KMO: variants seen among roughly 807,000 people sequenced by gnomAD.
KMO encodes the protein kynurenine 3-monooxygenase, also known as kynurenine 3-hydroxylase.
In KMO, 24 loss-of-function variants were observed where a neutral mutation model predicts 57.8. The ratio of observed to expected loss-of-function variants is 0.42; its 90% CI spans 0.30 to 0.58. KMO has a LOEUF of 0.58. Ranked by LOEUF, KMO falls within the 20% of genes least tolerant of loss-of-function variation. The pLI is 0.22. For missense variants in KMO, 483 were observed against 588.2 expected, an observed-to-expected ratio of 0.82 and a Z score of 1.85; for synonymous variants, 210 against 193.6, an observed-to-expected ratio of 1.08 and a Z score of -0.70.
intron 14 of KMO, among the ~76,000 whole-genome samples, chr1:241,591,215 GA>G (rs1390428685): frequency 6.6e-6 from 1 of 152,142 alleles, no homozygotes; most frequent in Non-Finnish European, 1.5e-5. Context: ...TAAGTGCGGG[GA>G]TAGAAATAGG....
intron 10 of KMO, among the ~76,000 whole-genome samples, chr1:241,577,245 A>T (rs1038499326): frequency 1.3e-5 from 2 of 152,062 alleles, no homozygotes; most frequent in East Asian, 1.9e-4. Flanking sequence ...CAAAGATTTC[A>T]TCTTGGTATG....
intron 10 of KMO, 101 bp from the exon 11 acceptor site, chr1:241,586,578 T>G (rs1166000429): frequency 1.2e-6 from 1 of 802,732 alleles, no homozygotes. Context: ...AAACAGTGTA[T>G]GAATTATCTT....
At chr1:241,571,566 T>C (rs983541306) in intron 10 of KMO, among the ~76,000 whole-genome samples, 1 of 152,176 alleles carries the variant, frequency 6.6e-6, no homozygotes, top group African/African-American at 2.4e-5. Context: ...TCTTTCATTC[T>C]GTTGATATGA....
At chr1:241,541,767 T>C (rs556651284) in intron 1 of KMO, among the ~76,000 whole-genome samples, 8 of 152,336 alleles carry the variant, frequency 5.3e-5, no homozygotes, top group South Asian at 4.1e-4. Context: ...GCATTGTAAG[T>C]AGAGTTAACA....
intron 8 of KMO, among the ~76,000 whole-genome samples, 182 bp downstream of exon 8, chr1:241,565,240 C>A (rs1194687839): frequency 6.6e-6 from 1 of 152,044 alleles, no homozygotes; most frequent in Non-Finnish European, 1.5e-5. Context: ...CAATTATTTA[C>A]TTTGGAAAGG....
chr1:241,534,359 A>T (rs6429277), intron 1 of KMO, among the ~76,000 whole-genome samples: 12,392 of 152,238 alleles, frequency 0.081, 893 homozygotes, highest in African/African-American at 0.19. Flanking sequence ...GGGGGGCATA[A>T]AAATGTGGGT....
chr1:241,538,093 G>T (rs532524631), intron 1 of KMO, among the ~76,000 whole-genome samples: 30 of 152,242 alleles, frequency 2.0e-4, no homozygotes, highest in Non-Finnish European at 3.8e-4. Context: ...GATTAGCAGT[G>T]GGGAAAAATG....
chr1:241,585,283 A>G (rs919211269), intron 10 of KMO, among the ~76,000 whole-genome samples: 1 of 152,082 alleles, frequency 6.6e-6, no homozygotes, highest in African/African-American at 2.4e-5. Context: ...AATAATGTCT[A>G]CCTCAGAGAG....
intron 10 of KMO, among the ~76,000 whole-genome samples, chr1:241,570,862 A>G (rs142735725): frequency 2.6e-5 from 4 of 152,214 alleles, no homozygotes; most frequent in African/African-American, 9.6e-5. Context: ...AAGTCTGTAG[A>G]TTGCCTTGGG....
chr1:241,549,655 G>T (rs1378533449), intron 2 of KMO, 22 bp from the exon 3 acceptor site: 1 of 1,501,970 alleles, frequency 6.7e-7, no homozygotes, highest in Non-Finnish European at 9.3e-7. Context: ...GCGTAACATG[G>T]AGTCTGCTTC....
Position 241,592,026 on chromosome 1 carries a change from T to C in KMO, c.1334T>C (p.Met445Thr). 1 of 1,613,998 alleles carries C rather than the reference T, an allele frequency of 6.2e-7. No homozygotes were observed. Residue 445 changes from methionine to threonine, a missense_variant, in exon 15 of 15, where the codon ATG becomes ACG. Coordinates refer to ENST00000366559, the MANE Select transcript of KMO (RefSeq NM_003679.5). Reference protein sequence around the residue: ...ISSTYLLIHYMSPRSFLRLRR... With the variant: ...ISSTYLLIHYTSPRSFLRLRR... The stretch of plus-strand genomic sequence containing the variant: ...AGTACCTACCTACTTATACACTACA[T>C]GTCACCACGATCTTTCCTCCGCTTG...
At chr1:241,588,272 G>C (rs1330501618) in intron 11 of KMO, among the ~76,000 whole-genome samples, 1 of 150,374 alleles carries the variant, frequency 6.7e-6, no homozygotes, top group Non-Finnish European at 1.5e-5. Context: ...AAGAATACTG[G>C]TGCCTGGGTC....
intron 10 of KMO, among the ~76,000 whole-genome samples, chr1:241,578,414 C>T (rs1392317875): frequency 2.6e-5 from 4 of 152,148 alleles, no homozygotes; most frequent in Non-Finnish European, 5.9e-5. Context: ...TGGTACACTC[C>T]TCTTTCCCCT....
At chr1:241,569,119 G>T (rs1041193761) in intron 10 of KMO, among the ~76,000 whole-genome samples, 1 of 151,818 alleles carries the variant, frequency 6.6e-6, no homozygotes, top group African/African-American at 2.4e-5. Context: ...CCATATCAGG[G>T]TAATTAGGGT....
At chr1:241,567,048 G>A (rs1662110258) in intron 9 of KMO, among the ~76,000 whole-genome samples, 1 of 152,130 alleles carries the variant, frequency 6.6e-6, no homozygotes, top group African/African-American at 2.4e-5. Flanking sequence ...ATAAATAATA[G>A]AACCTATCCC....
At chr1:241,579,607 C>T (rs1377961549) in intron 10 of KMO, among the ~76,000 whole-genome samples, 1 of 152,096 alleles carries the variant, frequency 6.6e-6, no homozygotes, top group Non-Finnish European at 1.5e-5. Context: ...CTGCTAGCAA[C>T]AGCTAGCTAA....
At chr1:241,534,982 T>C (rs1294938737) in intron 1 of KMO, among the ~76,000 whole-genome samples, 3 of 152,060 alleles carry the variant, frequency 2.0e-5, no homozygotes, top group Non-Finnish European at 4.4e-5. Context: ...TTTTTTAACC[T>C]GTTTCTTAGA....
intron 1 of KMO, among the ~76,000 whole-genome samples, 174 bp from the exon 2 acceptor site, chr1:241,548,655 G>C (rs1022435013): frequency 2.0e-5 from 3 of 151,356 alleles, no homozygotes; most frequent in Non-Finnish European, 4.4e-5. Context: ...TTTTGCCACT[G>C]ATACTTTTCA....
intron 10 of KMO, among the ~76,000 whole-genome samples, chr1:241,580,382 A>AT (rs1337916501): frequency 6.6e-6 from 1 of 152,084 alleles, no homozygotes; most frequent in African/African-American, 2.4e-5. Flanking sequence ...TCTTCAACTA[A>AT]TTTTGGATTC....
Sources: gnomAD v4.1 joint callset for allele counts (sites outside exome capture counted in the v4.1 genomes callset) on GRCh38, gnomAD v4.1.1 for gene constraint, MANE v1.5 for transcripts, NCBI Gene and HGNC (gene_info 2026-07-23, HGNC 2026-07-21) for gene names.